The following NINJ2 variants were observed in gnomAD, a reference collection of about 807,000 sequenced individuals.
NINJ2 encodes the protein ninjurin-2.
Under a neutral mutation model 11.7 loss-of-function variants are expected in NINJ2, and 12 were observed. The observed-to-expected ratio is 1.02, with a 90% CI of 0.66 to 1.66. The LOEUF is 1.66. Ranked by LOEUF, NINJ2 falls within the 40% of genes most tolerant of loss-of-function variation. The probability of loss-of-function intolerance (pLI) is 0.00; values close to 1 mark genes in which losing one functional copy is unlikely to be tolerated. For synonymous variants in NINJ2, 93 were observed against 76.8 expected (o/e 1.21, Z -1.10); for missense variants, 187 against 181.8 (o/e 1.03, Z -0.16).
chr12:617,342 A>G (rs920681083), intron 1 of NINJ2, among the ~76,000 whole-genome samples: 14 of 152,218 alleles, frequency 9.2e-5, no homozygotes, highest in African/African-American at 3.4e-4. Context: ...CAGTCAGAGC[A>G]CGTCCTCCCC....
intron 1 of NINJ2, among the ~76,000 whole-genome samples, chr12:572,850 A>ATTTTTT (rs539715060): frequency 1.1e-4 from 11 of 96,144 alleles, no homozygotes; most frequent in Admixed American, 2.4e-4. Flanking sequence ...AGAGCCTGTA[A>ATTTTTT]TTTTTTTTTT....
At chr12:635,166 G>A (rs1948334663) in intron 1 of NINJ2, among the ~76,000 whole-genome samples, 1 of 151,686 alleles carries the variant, frequency 6.6e-6, no homozygotes, top group African/African-American at 2.4e-5. Flanking sequence ...TGATCCTCCT[G>A]CCTCAGCCTC....
At chr12:607,376 GAT>G (rs1947954654) in intron 1 of NINJ2, among the ~76,000 whole-genome samples, 1 of 152,090 alleles carries the variant, frequency 6.6e-6, no homozygotes, top group Non-Finnish European at 1.5e-5. Context: ...TGATGATGAT[GAT>G]GACGACTGGA....
At chr12:571,208 T>C (rs1947370815) in intron 1 of NINJ2, among the ~76,000 whole-genome samples, 1 of 152,198 alleles carries the variant, frequency 6.6e-6, no homozygotes, top group Admixed American at 6.5e-5. Context: ...CAATGACACC[T>C]GGACAGACGG....
At chr12:644,068 A>G (rs1592116249) in intron 1 of NINJ2, 2 of 154,986 alleles carry the variant, frequency 1.3e-5, no homozygotes, top group East Asian at 3.9e-4. Context: ...CAGGAACACC[A>G]TTGAGTACCA....
chr12:599,274 CT>C (rs1947833011), intron 1 of NINJ2, among the ~76,000 whole-genome samples: 2 of 151,232 alleles, frequency 1.3e-5, no homozygotes, highest in Admixed American at 6.6e-5. Context: ...ATCCCAGCTA[CT>C]TGCGGGGCTG....
intron 1 of NINJ2, among the ~76,000 whole-genome samples, chr12:608,170 T>G (rs1024762315): frequency 6.6e-6 from 1 of 152,172 alleles, no homozygotes; most frequent in African/African-American, 2.4e-5. Context: ...CTTAAGAGTC[T>G]TTACCAAGCA....
intron 1 of NINJ2, chr12:643,782 T>A: frequency 1.5e-6 from 1 of 663,640 alleles, no homozygotes; most frequent in Non-Finnish European, 1.9e-6. Context: ...ACTCTTCCAG[T>A]AGAAACTGTT....
chr12:592,173 T>A (rs1259136862), intron 1 of NINJ2, among the ~76,000 whole-genome samples: 1 of 152,138 alleles, frequency 6.6e-6, no homozygotes. Flanking sequence ...TGAGCCATAG[T>A]GTCCCCAAGT....
At chr12:619,798 C>T (rs1187391899) in intron 1 of NINJ2, among the ~76,000 whole-genome samples, 1 of 152,206 alleles carries the variant, frequency 6.6e-6, no homozygotes, top group Non-Finnish European at 1.5e-5. Flanking sequence ...TAGTGACTAC[C>T]ATTTCAGGGT....
intron 2 of NINJ2, 112 bp downstream of exon 2, chr12:565,838 G>T: frequency 1.1e-6 from 1 of 918,964 alleles, no homozygotes; most frequent in Non-Finnish European, 1.8e-6. Context: ...AGGTCAGCGT[G>T]TGGTTGCAAA....
chr12:574,128 G>A (rs546952259), intron 1 of NINJ2, among the ~76,000 whole-genome samples: 123 of 152,128 alleles, frequency 8.1e-4, no homozygotes, highest in Non-Finnish European at 1.3e-3. Flanking sequence ...AGCTGAGGCA[G>A]GAGAATCGCT....
chr12:594,240 A>C (rs1287529426), intron 1 of NINJ2, among the ~76,000 whole-genome samples: 2 of 152,220 alleles, frequency 1.3e-5, no homozygotes, highest in Non-Finnish European at 2.9e-5. Context: ...CTAATAAGCA[A>C]GTATTACAAG....
intron 1 of NINJ2, among the ~76,000 whole-genome samples, chr12:612,348 A>G (rs1948043603): frequency 6.6e-6 from 1 of 152,134 alleles, no homozygotes; most frequent in African/African-American, 2.4e-5. Context: ...TTCTCTGAGA[A>G]ACCCCCAATT....
chr12:592,556 C>T (rs186815182), intron 1 of NINJ2, among the ~76,000 whole-genome samples: 14 of 152,202 alleles, frequency 9.2e-5, no homozygotes, highest in East Asian at 3.9e-4. Context: ...CAAAATTAGC[C>T]GGGCGAGGTG....
intron 1 of NINJ2, among the ~76,000 whole-genome samples, chr12:593,326 C>G (rs531141795): frequency 2.0e-5 from 3 of 152,166 alleles, no homozygotes; most frequent in Non-Finnish European, 4.4e-5. Context: ...TGAAACAGAT[C>G]TGAAAACCTA....
intron 1 of NINJ2, chr12:589,562 G>C (rs1320648534): frequency 6.6e-6 from 1 of 152,194 alleles, no homozygotes; most frequent in Non-Finnish European, 1.5e-5. Flanking sequence ...GAACCTGCTA[G>C]ACAAATTCTA....
intron 1 of NINJ2, among the ~76,000 whole-genome samples, chr12:625,376 G>A (rs1948201549): frequency 6.6e-6 from 1 of 152,148 alleles, no homozygotes; most frequent in Non-Finnish European, 1.5e-5. Context: ...AAGCCAAGGT[G>A]AAGTCGAGAC....
rs183748237 is a variant in NINJ2, at chr12:591,604, C to A, written c.34-25426G>T. ...ATAGAGCTGGTCTTAAAAGCAGGGGCCTTTTGGCTGAGCTCCGAGTCCCTG... is the reference window on the plus strand; with the variant it reads ...ATAGAGCTGGTCTTAAAAGCAGGGGACTTTTGGCTGAGCTCCGAGTCCCTG... On this transcript the variant is annotated intron_variant, in intron 1 of 3. Transcript: ENST00000305108. The surrounding 1 kb of genome is among the most constrained non-coding windows in gnomAD (Gnocchi z 5.0). Among the ~76,000 whole-genome samples, 307 of 152,166 alleles carry A rather than the reference C, an allele frequency of 2.0e-3. No homozygotes were observed. Among genetic ancestry groups the A allele is most frequent in the Admixed American group, 5.9e-3 (90 of 15,298 alleles).
Sources: allele counts gnomAD v4.1 joint callset (sites outside exome capture counted in the v4.1 genomes callset), GRCh38; gene constraint gnomAD v4.1.1; non-coding constraint Gnocchi (gnomAD v3.1); transcripts MANE v1.5; gene names NCBI Gene and HGNC (gene_info 2026-07-23, HGNC 2026-07-21).